The following ABCC8 variants were observed in gnomAD, a reference collection of about 807,000 sequenced individuals.
ABCC8 encodes ATP-binding cassette sub-family C member 8.
Under a neutral mutation model 188.0 loss-of-function variants are expected in ABCC8, and 137 were observed. The ratio of observed to expected loss-of-function variants is 0.73; its 90% CI spans 0.63 to 0.84. The LOEUF is 0.84. Ranked by LOEUF, ABCC8 falls within the 40% of genes least tolerant of loss-of-function variation. The pLI is 0.00. For synonymous variants in ABCC8, 797 were observed against 846.5 expected (o/e 0.94, Z 1.01); for missense variants, 1,750 against 2,072.7 (o/e 0.84, Z 3.02).
intron 10 of ABCC8, among the ~76,000 whole-genome samples, chr11:17,432,640 G>C (rs952361767): frequency 3.9e-5 from 6 of 152,188 alleles, no homozygotes; most frequent in African/African-American, 1.4e-4. Flanking sequence ...GTCCCCCCAA[G>C]CCAGGCTCTC....
intron 11 of ABCC8, among the ~76,000 whole-genome samples, chr11:17,431,805 T>TA (rs1409406381): frequency 1.3e-5 from 2 of 152,164 alleles, no homozygotes; most frequent in African/African-American, 4.8e-5. Flanking sequence ...TCATAGGCCT[T>TA]AAAAAAAGAC....
chr11:17,408,174 C>T (rs1046043151), intron 23 of ABCC8: 29 of 509,038 alleles, frequency 5.7e-5, no homozygotes, highest in Admixed American at 3.5e-5. Context: ...TATCTGACTA[C>T]CTCAGGATAA....
intron 14 of ABCC8, 120 bp downstream of exon 14, chr11:17,428,169 G>C: frequency 6.4e-7 from 1 of 1,559,694 alleles, no homozygotes; most frequent in Non-Finnish European, 8.7e-7. Flanking sequence ...CCTATGGACC[G>C]TACAGGCAGG....
intron 29 of ABCC8, among the ~76,000 whole-genome samples, chr11:17,400,367 A>T (rs943900308): frequency 1.3e-5 from 2 of 152,232 alleles, no homozygotes; most frequent in Admixed American, 1.3e-4. Flanking sequence ...CGCTCAGCGT[A>T]TGTGGGTCTC....
chr11:17,408,380 G>T lies in ABCC8; in HGVS notation c.2820+12C>A. The T allele has an allele frequency of 6.2e-7, 1 of 1,612,636 alleles. No homozygotes were observed. The highest frequency in any genetic ancestry group is 8.5e-7 in the Non-Finnish European group (1 of 1,179,790). ...CAGGGGTGGCTGCTTGGCCATCCCT[G>T]GATATACCCACCTTCTCCAGCTCTT... On this transcript the variant is annotated intron_variant, in intron 23 of 38. Transcript: ENST00000389817.
Position 17,397,728 on chromosome 11 carries a change from G to T in ABCC8, c.3823C>A (p.Leu1275Ile). 6.2e-7 allele frequency: 1 copy of T among 1,613,770 alleles called. No individual in the cohort carries two copies. Residue 1275 changes from leucine (L) to isoleucine (I), a missense_variant, in exon 31 of 39, where the codon CTC becomes ATC. Physicochemically the swap from Leu to Ile is conservative, Grantham distance 5. Coordinates refer to ENST00000389817, the MANE Select transcript of ABCC8 (RefSeq NM_000352.6). ...CCCAGGCCCACCAGGCCAGCAGAGAGCTCCCTGTGCAGGGAGTTGGAGATG... is the reference window on the plus strand; with the variant it reads ...CCCAGGCCCACCAGGCCAGCAGAGATCTCCCTGTGCAGGGAGTTGGAGATG... The part of the protein sequence containing the change: ...TSISNSLHRE[L>I]SAGLVGLGLT...
chr11:17,448,725 C>T, intron 7 of ABCC8, 54 bp from the exon 8 acceptor site: 2 of 1,613,212 alleles, frequency 1.2e-6, no homozygotes, highest in Non-Finnish European at 1.7e-6. Flanking sequence ...TCATCATCAC[C>T]ACACCAGATG....
At position 17,407,358 on chromosome 11, in the gene ABCC8, C is replaced by T. The variant is rs1954592292; in HGVS notation, c.2916G>A (p.Glu972=). 2.5e-6 allele frequency: 4 copies of T among 1,614,068 alleles called. No homozygotes were observed. The highest frequency in any genetic ancestry group is 1.1e-5 in the South Asian group (1 of 91,086). The stretch of plus-strand genomic sequence containing the variant: ...TCCCAGTCCCATTGCCTGTACCTTC[C>T]TCCTCTTCCTCATCCTGCAGAAGGC... ...RDGLLQDEEE[E]EEEAAESEED... The change falls in exon 24 of 39, where the codon GAG becomes GAA. Residue 972 remains glutamate (E), a synonymous_variant. Coordinates refer to ENST00000389817, the MANE Select transcript of ABCC8 (RefSeq NM_000352.6).
At chr11:17,450,442 T>C (rs1341129439) in intron 7 of ABCC8, among the ~76,000 whole-genome samples, 1 of 142,052 alleles carries the variant, frequency 7.0e-6, no homozygotes, top group Non-Finnish European at 1.5e-5. Context: ...TCGCCCAGGC[T>C]GGAGTGCGGT....
At chr11:17,397,098 G>A (rs764617363) in intron 32 of ABCC8, 52 bp from the exon 33 acceptor site, 56 of 1,613,766 alleles carry the variant, frequency 3.5e-5, no homozygotes, top group African/African-American at 1.6e-4. Context: ...GCTAGTATCC[G>A]AAAGTGCCAC....
At position 17,395,790 on chromosome 11, in the gene ABCC8, C is replaced by T. The variant is rs8192691; in HGVS notation, c.4198+62G>A. 112,051 of 1,553,616 alleles carry T rather than the reference C, an allele frequency of 0.072. 4,809 individuals are homozygous for T. Among genetic ancestry groups the T allele is most frequent in the Admixed American group, 0.17 (8,805 of 51,124 alleles). On this transcript the variant is annotated intron_variant, in intron 34 of 38. Transcript: ENST00000389817. ...GCCTCCTGTCATGTCTGACCACGTG[C>T]CAGGGCTGAGGCCTCATCTGGTGGC... is the stretch of plus-strand genomic sequence containing the variant.
rs554937952 is a variant in ABCC8 at position 17,413,550 on chromosome 11, C to T, written c.2391-72G>A. 8 of 1,611,994 alleles carry T rather than the reference C, an allele frequency of 5.0e-6. No homozygotes were observed. In the East Asian group the frequency reaches 1.3e-4, roughly 27 times the overall value. ...GTTGGCCCGAGCACTTGCAGAGGGT[C>T]ATTAGTCTCTGGGTAGCTATGCCCA... On this transcript the variant is annotated intron_variant, in intron 19 of 38. Coordinates refer to ENST00000389817, the MANE Select transcript of ABCC8 (RefSeq NM_000352.6).
chr11:17,445,542 G>C (rs1168768482), intron 8 of ABCC8, among the ~76,000 whole-genome samples: 1 of 152,196 alleles, frequency 6.6e-6, no homozygotes, highest in Admixed American at 6.5e-5. Flanking sequence ...CACGGGAATG[G>C]GGCTTCTGCA....
At chr11:17,462,444 T>G (rs556970371) in intron 4 of ABCC8, among the ~76,000 whole-genome samples, 11 of 152,310 alleles carry the variant, frequency 7.2e-5, no homozygotes, top group Non-Finnish European at 1.5e-4. Context: ...GAAAGGGTTT[T>G]CTCACTCATT....
chr11:17,465,670 C>T (rs142590236), intron 3 of ABCC8: 2 of 152,276 alleles, frequency 1.3e-5, no homozygotes, highest in Non-Finnish European at 2.9e-5. Flanking sequence ...CTATTCTTCT[C>T]CCTCGCCCCA....
intron 9 of ABCC8, 26 bp from the exon 10 acceptor site, chr11:17,442,908 G>A (rs372355290): frequency 2.5e-6 from 4 of 1,608,220 alleles, no homozygotes; most frequent in African/African-American, 1.3e-5. Flanking sequence ...AGTCAGAGGG[G>A]AGAGGCTTCT....
intron 16 of ABCC8, among the ~76,000 whole-genome samples, chr11:17,423,752 C>A (rs985211032): frequency 5.3e-5 from 8 of 152,178 alleles, no homozygotes; most frequent in Non-Finnish European, 1.2e-4. Flanking sequence ...TGGGAGGAGG[C>A]AGGTGTGTGT....
chr11:17,394,889 C>A (rs1038974126), intron 36 of ABCC8, among the ~76,000 whole-genome samples: 2 of 152,080 alleles, frequency 1.3e-5, no homozygotes, highest in Non-Finnish European at 2.9e-5. Flanking sequence ...GCTGAAGATG[C>A]CCCCTTGGCA....
intron 8 of ABCC8, among the ~76,000 whole-genome samples, chr11:17,445,279 G>A (rs918069408): frequency 2.0e-5 from 3 of 152,230 alleles, no homozygotes; most frequent in African/African-American, 7.2e-5. Context: ...AGTTTCACTA[G>A]CCTTTCAAAA....
Sources: gnomAD v4.1 joint callset for allele counts (sites outside exome capture counted in the v4.1 genomes callset) on GRCh38, gnomAD v4.1.1 for gene constraint, MANE v1.5 for transcripts, NCBI Gene and HGNC (gene_info 2026-07-23, HGNC 2026-07-21) for gene names.